The following CCDC169 variants were observed in gnomAD, a reference collection of about 807,000 sequenced individuals.
CCDC169 encodes the protein coiled-coil domain containing 169, also known as coiled-coil domain-containing protein 169.
In CCDC169, 30 loss-of-function variants were observed where a neutral mutation model predicts 36.0. That is an observed-to-expected ratio of 0.83 (90% confidence interval 0.62 to 1.13). CCDC169 has a LOEUF of 1.13. Ranked by LOEUF, CCDC169 falls within the 50% of genes most tolerant of loss-of-function variation. The pLI, the probability that CCDC169 is intolerant of heterozygous loss-of-function variation, is 0.00. For missense variants in CCDC169, 245 were observed against 245.9 expected, an observed-to-expected ratio of 1.00 and a Z score of 0.03; for synonymous variants, 85 against 81.5, an observed-to-expected ratio of 1.04 and a Z score of -0.23.
chr13:36,282,657 C>A, intron 4 of CCDC169: 1 of 438,746 alleles, frequency 2.3e-6, no homozygotes, highest in Non-Finnish European at 3.0e-6. Flanking sequence ...AAATATAATT[C>A]TCTGTCTCTG....
At position 36,231,097 on chromosome 13, in the gene CCDC169, T is replaced by C; in HGVS notation, c.*96A>G. 1 of 1,463,514 alleles carries C rather than the reference T, an allele frequency of 6.8e-7. No homozygotes were observed. Among genetic ancestry groups the C allele is most frequent in the East Asian group, 2.5e-5 (1 of 40,002 alleles). 90.7% of individuals were successfully genotyped at this position (1,463,514 alleles called of 1,614,324 possible). On this transcript the variant is annotated 3_prime_UTR_variant, in exon 8 of 8. Coordinates refer to ENST00000239859, the MANE Select transcript of CCDC169 (RefSeq NM_001144981.3). Reference sequence around the variant, plus strand: ...AAAATGTGGCAGTTCTTATCTATTTTATTCCCTGAAGAAATGTGCTGACCA... The same window carrying C: ...AAAATGTGGCAGTTCTTATCTATTTCATTCCCTGAAGAAATGTGCTGACCA...
intron 4 of CCDC169, among the ~76,000 whole-genome samples, chr13:36,277,893 C>T (rs1005047366): frequency 6.6e-6 from 1 of 150,420 alleles, no homozygotes; most frequent in African/African-American, 2.5e-5. Flanking sequence ...TGCAGTGACC[C>T]GAGATCGTGC....
chr13:36,248,554 C>A (rs1872764238), intron 7 of CCDC169, 52 bp downstream of exon 7: 3 of 1,514,946 alleles, frequency 2.0e-6, no homozygotes, highest in Admixed American at 4.0e-5. Flanking sequence ...TTGTCAGTGG[C>A]ATTTATGTGC....
intron 1 of CCDC169, among the ~76,000 whole-genome samples, chr13:36,297,328 A>G (rs1879641370): frequency 6.6e-6 from 1 of 152,190 alleles, no homozygotes; most frequent in Non-Finnish European, 1.5e-5. Flanking sequence ...ACCTGGATTT[A>G]TGGAGACATC....
intron 4 of CCDC169, 131 bp from the exon 5 acceptor site, chr13:36,254,274 A>AATTTTTTTTTTTTTTTT (rs745490666): frequency 2.4e-6 from 1 of 415,680 alleles, no homozygotes; most frequent in Non-Finnish European, 4.0e-6. Context: ...TATGATATGT[A>AATTTTTTTTTTTTTTTT]CTTTTTTTTT....
In CCDC169 at chr13:36,269,504, C is replaced by A. The variant is rs187029866; in HGVS notation, c.315+13965G>T. 1.5e-3 allele frequency among the ~76,000 whole-genome samples: 233 copies of A among 152,290 alleles called. 1 individual carries two copies. Among genetic ancestry groups the A allele is most frequent in the Middle Eastern group, 0.01 (3 of 292 alleles). ...ACTACAGACCAATTTCCCTGATGAA[C>A]ATAGAGGCAGAAATCCTCAACAAAA... is the stretch of plus-strand genomic sequence containing the variant. On this transcript the variant is annotated intron_variant, in intron 4 of 7. Transcript: ENST00000239859.
At chr13:36,274,491 T>C (rs1266438951) in intron 4 of CCDC169, 1 of 152,178 alleles carries the variant, frequency 6.6e-6, no homozygotes, top group African/African-American at 2.4e-5. Flanking sequence ...TTTATCTGAT[T>C]ATATAAATCA....
At chr13:36,255,466 C>A (rs1160192632) in intron 4 of CCDC169, among the ~76,000 whole-genome samples, 2 of 152,106 alleles carry the variant, frequency 1.3e-5, no homozygotes, top group African/African-American at 2.4e-5. Flanking sequence ...GAGTTCGACA[C>A]CAGCCTGGCC....
At chr13:36,282,322 A>C in intron 4 of CCDC169, 1 of 943,080 alleles carries the variant, frequency 1.1e-6, no homozygotes, top group Non-Finnish European at 1.3e-6. Context: ...TTTCACAAAT[A>C]TTATTCTTTA....
At chr13:36,232,980 G>A (rs1446045805) in intron 7 of CCDC169, among the ~76,000 whole-genome samples, 1 of 152,188 alleles carries the variant, frequency 6.6e-6, no homozygotes, top group African/African-American at 2.4e-5. Context: ...GGTATGCATA[G>A]GACTGTGTGC....
intron 4 of CCDC169, among the ~76,000 whole-genome samples, chr13:36,278,708 A>G (rs1173686735): frequency 1.3e-5 from 2 of 152,104 alleles, no homozygotes; most frequent in African/African-American, 4.8e-5. Flanking sequence ...AGCATTCCCC[A>G]GGGTTTCAAC....
intron 4 of CCDC169, among the ~76,000 whole-genome samples, chr13:36,268,237 A>C (rs2138544522): frequency 6.6e-6 from 1 of 152,336 alleles, no homozygotes; most frequent in African/African-American, 2.4e-5. Context: ...AATAAATCTC[A>C]ATAAATTTTT....
chr13:36,287,329 A>T (rs1408410577), intron 2 of CCDC169, among the ~76,000 whole-genome samples: 2 of 151,906 alleles, frequency 1.3e-5, no homozygotes, highest in Non-Finnish European at 2.9e-5. Flanking sequence ...TGCCATAGAG[A>T]CTCCTTTACC....
chr13:36,222,861 C>T (rs1469333270), downstream of CCDC169: 1 of 151,762 alleles, frequency 6.6e-6, no homozygotes, highest in Non-Finnish European at 1.5e-5. Flanking sequence ...ATATGCCTAT[C>T]CAATTACTTA....
chr13:36,296,048 T>C lies in CCDC169; in HGVS notation c.84-191A>G, dbSNP rs561363192. Reference sequence around the variant, plus strand: ...TCAGTTCTAGGACTCAAATATGCACTAAAGCTCAAAGACCCCCAGGCAACC... The same window carrying C: ...TCAGTTCTAGGACTCAAATATGCACCAAAGCTCAAAGACCCCCAGGCAACC... On this transcript the variant is annotated intron_variant, in intron 1 of 7. Transcript: ENST00000239859. 3.9e-5 allele frequency among the ~76,000 whole-genome samples: 6 copies of C among 152,242 alleles called. No homozygotes were observed. The East Asian group carries it at 1.2e-3, about 29-fold the overall frequency.
chr13:36,287,277 T>C (rs1259592748), intron 2 of CCDC169, among the ~76,000 whole-genome samples: 1 of 152,062 alleles, frequency 6.6e-6, no homozygotes, highest in South Asian at 2.1e-4. Flanking sequence ...TGTTTGAAAC[T>C]GAAAATAAAA....
Position 36,263,548 on chromosome 13 carries a change from A to G in CCDC169, c.316-9405T>C, listed in dbSNP as rs540569175. On this transcript the variant is annotated intron_variant, in intron 4 of 7. Coordinates refer to ENST00000239859, the MANE Select transcript of CCDC169 (RefSeq NM_001144981.3). ...TTATTAGAATTTTAAAAATTATATT[A>G]AGAGAATAATTAGGTGAAACAGGAC... Among the ~76,000 whole-genome samples the G allele has an allele frequency of 2.6e-5, 4 of 152,332 alleles. No individual in the cohort carries two copies. In the South Asian group the frequency reaches 8.3e-4, roughly 32 times the overall value.
intron 4 of CCDC169, among the ~76,000 whole-genome samples, chr13:36,258,907 A>C (rs996273289): frequency 1.3e-5 from 2 of 152,156 alleles, no homozygotes; most frequent in Non-Finnish European, 2.9e-5. Context: ...TTCCATTAAC[A>C]GTTTCTCCAG....
Position 36,248,691 on chromosome 13 carries a change from C to T in CCDC169, c.469-9G>A. On this transcript the variant is annotated splice_polypyrimidine_tract_variant and intron_variant, in intron 6 of 7. Coordinates refer to ENST00000239859, the MANE Select transcript of CCDC169 (RefSeq NM_001144981.3). Reference sequence around the variant, plus strand: ...TGATGTAAACCAGAACCCTGAAATACAAAAATTTGAGTGTTTATCCCCTTG... The same window carrying T: ...TGATGTAAACCAGAACCCTGAAATATAAAAATTTGAGTGTTTATCCCCTTG... 1.9e-6 allele frequency: 3 copies of T among 1,548,532 alleles called. No homozygotes were observed. Among genetic ancestry groups the T allele is most frequent in the Non-Finnish European group, 2.6e-6 (3 of 1,145,106 alleles).
Sources: allele counts gnomAD v4.1 joint callset (sites outside exome capture counted in the v4.1 genomes callset), GRCh38; gene constraint gnomAD v4.1.1; transcripts MANE v1.5; gene names NCBI Gene and HGNC (gene_info 2026-07-23, HGNC 2026-07-21).